Variants in APBB1IP observed in about 807,000 individuals in gnomAD.
The protein encoded by APBB1IP is amyloid beta A4 precursor protein-binding family B member 1-interacting protein.
In APBB1IP, 27 loss-of-function variants were observed where a neutral mutation model predicts 64.9. The ratio of observed to expected loss-of-function variants is 0.42; its 90% confidence interval spans 0.31 to 0.57. APBB1IP has a LOEUF of 0.57. Among genes scored for constraint, APBB1IP ranks in the 20% least tolerant of loss-of-function variants. APBB1IP has a pLI of 0.20. For missense variants in APBB1IP, 812 were observed against 845.5 expected (o/e 0.96, Z 0.49); for synonymous variants, 392 against 331.0 (o/e 1.18, Z -2.00).
intron 4 of APBB1IP, among the ~76,000 whole-genome samples, chr10:26,498,956 C>A (rs910239697): frequency 6.6e-6 from 1 of 152,028 alleles, no homozygotes; most frequent in African/African-American, 2.4e-5. Flanking sequence ...ACTGCTAAAA[C>A]AAGTTCAAAA....
intron 8 of APBB1IP, among the ~76,000 whole-genome samples, chr10:26,527,577 G>A (rs1160522141): frequency 6.7e-6 from 1 of 148,328 alleles, no homozygotes; most frequent in South Asian, 2.1e-4. Context: ...TACTATCTCA[G>A]AATCCCACTG....
At chr10:26,493,534 T>G (rs950292735) in intron 3 of APBB1IP, among the ~76,000 whole-genome samples, 2 of 152,216 alleles carry the variant, frequency 1.3e-5, no homozygotes, top group African/African-American at 4.8e-5. Context: ...CTGCCATGGC[T>G]TCAGCCGGTC....
intron 2 of APBB1IP, among the ~76,000 whole-genome samples, chr10:26,459,075 G>T (rs1175674363): frequency 7.0e-6 from 1 of 143,704 alleles, no homozygotes; most frequent in African/African-American, 2.6e-5. Flanking sequence ...ATCTCCTAAT[G>T]CTATCCCTCC....
At chr10:26,492,048 C>T (rs1002011670) in intron 2 of APBB1IP, among the ~76,000 whole-genome samples, 26 of 152,232 alleles carry the variant, frequency 1.7e-4, no homozygotes, top group African/African-American at 6.0e-4. Context: ...AGGCGTGATC[C>T]AGCCTGTTTC....
At chr10:26,533,318 C>T in intron 8 of APBB1IP, 121 bp from the exon 9 acceptor site, 2 of 522,900 alleles carry the variant, frequency 3.8e-6, no homozygotes, top group South Asian at 3.9e-5. Flanking sequence ...ATATCATATG[C>T]TCTGGTTCCC....
intron 11 of APBB1IP, among the ~76,000 whole-genome samples, chr10:26,542,766 C>T (rs1029739072): frequency 1.5e-4 from 22 of 147,784 alleles, no homozygotes; most frequent in Non-Finnish European, 2.8e-4. Context: ...ATGTCCTAGC[C>T]TTTTTTTTTT....
intron 2 of APBB1IP, among the ~76,000 whole-genome samples, chr10:26,469,591 T>A (rs1247672018): frequency 6.6e-6 from 1 of 152,170 alleles, no homozygotes; most frequent in East Asian, 1.9e-4. Context: ...TTTTAACTTC[T>A]TATTTTTATT....
chr10:26,463,037 T>A (rs1474464311), intron 2 of APBB1IP, among the ~76,000 whole-genome samples: 1 of 152,182 alleles, frequency 6.6e-6, no homozygotes, highest in African/African-American at 2.4e-5. Context: ...ATCTACCCTT[T>A]GGGTTGGATG....
At chr10:26,489,584 G>T (rs1051258266) in intron 2 of APBB1IP, among the ~76,000 whole-genome samples, 8 of 152,202 alleles carry the variant, frequency 5.3e-5, no homozygotes, top group African/African-American at 1.4e-4. Context: ...ATTGCTCAGC[G>T]TCAATGCTAC....
chr10:26,515,038 ATTTTTTTT>A (rs10668002), intron 8 of APBB1IP, among the ~76,000 whole-genome samples: 2 of 133,038 alleles, frequency 1.5e-5, no homozygotes, highest in African/African-American at 5.7e-5. Flanking sequence ...CCCCCGGCTA[ATTTTTTTT>A]TTTTTTTTTG....
At chr10:26,556,484 G>A (rs143798539) in intron 11 of APBB1IP, among the ~76,000 whole-genome samples, 148 of 152,322 alleles carry the variant, frequency 9.7e-4, no homozygotes, top group African/African-American at 3.4e-3. Flanking sequence ...GTGTAAGGAA[G>A]GAACTTGGTG....
chr10:26,501,931 C>G (rs1337968937), intron 5 of APBB1IP: 2 of 152,194 alleles, frequency 1.3e-5, no homozygotes, highest in African/African-American at 2.4e-5. Flanking sequence ...AAATTATACT[C>G]TATCACACAC....
At chr10:26,559,132 A>T (rs1488220207) in intron 11 of APBB1IP, among the ~76,000 whole-genome samples, 2 of 152,244 alleles carry the variant, frequency 1.3e-5, no homozygotes, top group Non-Finnish European at 2.9e-5. Context: ...TGACATAAGA[A>T]TTATCTCAGG....
intron 2 of APBB1IP, among the ~76,000 whole-genome samples, chr10:26,473,172 T>C (rs771586110): frequency 5.9e-5 from 9 of 152,204 alleles, no homozygotes; most frequent in Non-Finnish European, 1.0e-4. Flanking sequence ...TATCAAAAAA[T>C]GTCATGAATG....
intron 13 of APBB1IP, among the ~76,000 whole-genome samples, chr10:26,561,709 A>G (rs919941688): frequency 1.3e-5 from 2 of 152,182 alleles, no homozygotes; most frequent in African/African-American, 2.4e-5. Context: ...CTGTGTCAAA[A>G]GGACAAATTA....
intron 2 of APBB1IP, among the ~76,000 whole-genome samples, chr10:26,488,795 G>A (rs1250200550): frequency 6.6e-6 from 1 of 152,168 alleles, no homozygotes; most frequent in Non-Finnish European, 1.5e-5. Context: ...TGCACACATA[G>A]ACCTAGACCT....
chr10:26,564,804 A>AAAAAAT (rs200555047), intron 14 of APBB1IP, among the ~76,000 whole-genome samples: 161 of 152,124 alleles, frequency 1.1e-3, no homozygotes, highest in African/African-American at 3.0e-3. Flanking sequence ...CTCTGCCTCA[A>AAAAAAT]AAAAATAAAA....
intron 11 of APBB1IP, among the ~76,000 whole-genome samples, chr10:26,543,592 G>T (rs2132470957): frequency 6.6e-6 from 1 of 152,000 alleles, no homozygotes; most frequent in South Asian, 2.1e-4. Context: ...ATAGTGGTGG[G>T]AATGCGGCAA....
intron 11 of APBB1IP, among the ~76,000 whole-genome samples, chr10:26,550,820 T>C (rs755820547): frequency 5.3e-5 from 8 of 152,230 alleles, no homozygotes; most frequent in Non-Finnish European, 7.3e-5. Flanking sequence ...ATTGTTGAGT[T>C]AGGTATTTAT....
Sources: gnomAD v4.1 joint callset for allele counts (sites outside exome capture counted in the v4.1 genomes callset) on GRCh38, gnomAD v4.1.1 for gene constraint, MANE v1.5 for transcripts, NCBI Gene and HGNC (gene_info 2026-07-23, HGNC 2026-07-21) for gene names.